The following TCERG1L variants were observed in gnomAD, a reference collection of about 807,000 sequenced individuals.
TCERG1L encodes transcription elongation regulator 1 like, also known as transcription elongation regulator 1-like protein.
A neutral mutation model predicts 56.3 loss-of-function variants in TCERG1L; 37 were observed. That is an observed-to-expected ratio of 0.66 (90% CI 0.51 to 0.87). The LOEUF (loss-of-function observed/expected upper bound fraction) is 0.87. TCERG1L is among the 40% of genes least tolerant of loss of function. TCERG1L has a pLI of 0.00. For synonymous variants in TCERG1L, 324 were observed against 326.3 expected, an observed-to-expected ratio of 0.99 and a Z score of 0.08; for missense variants, 799 against 774.2, an observed-to-expected ratio of 1.03 and a Z score of -0.38.
At chr10:131,271,361 G>C (rs193048382) in intron 3 of TCERG1L, among the ~76,000 whole-genome samples, 10 of 152,140 alleles carry the variant, frequency 6.6e-5, no homozygotes, top group Non-Finnish European at 1.3e-4. Flanking sequence ...CTTCCTCTCT[G>C]GGCAAACCCT....
intron 3 of TCERG1L, among the ~76,000 whole-genome samples, chr10:131,287,843 C>A (rs1274807707): frequency 1.3e-5 from 2 of 152,214 alleles, no homozygotes; most frequent in Admixed American, 6.5e-5. Flanking sequence ...GCTCAGTCAA[C>A]TTCTCAAGGT....
chr10:131,289,710 C>T (rs1302132402), intron 3 of TCERG1L, among the ~76,000 whole-genome samples: 1 of 40,776 alleles, frequency 2.5e-5, no homozygotes, highest in Non-Finnish European at 6.0e-5. Flanking sequence ...CTCCATCTAT[C>T]AATGTGAGTG....
chr10:131,288,472 A>G (rs10128158), intron 3 of TCERG1L, among the ~76,000 whole-genome samples: 15,423 of 152,050 alleles, frequency 0.1, 1,029 homozygotes, highest in African/African-American at 0.17. Flanking sequence ...GGACAGACGC[A>G]CTGTGGGATA....
intron 5 of TCERG1L, 50 bp downstream of exon 5, chr10:131,166,747 C>G: frequency 6.4e-7 from 1 of 1,574,600 alleles, no homozygotes; most frequent in South Asian, 1.1e-5. Context: ...CCTGGTCCTC[C>G]ACACCCAGGG....
chr10:131,291,911 T>C (rs1429606832), intron 3 of TCERG1L, among the ~76,000 whole-genome samples: 1 of 152,234 alleles, frequency 6.6e-6, no homozygotes, highest in Non-Finnish European at 1.5e-5. Context: ...TTCTATGCTA[T>C]GTGAATAGAG....
intron 4 of TCERG1L, among the ~76,000 whole-genome samples, chr10:131,189,342 C>T (rs1300492895): frequency 1.3e-5 from 2 of 152,142 alleles, no homozygotes; most frequent in African/African-American, 4.8e-5. Context: ...CACTGCCTCA[C>T]CTCCAAGTCC....
intron 3 of TCERG1L, among the ~76,000 whole-genome samples, chr10:131,278,595 G>A (rs977563364): frequency 3.9e-5 from 6 of 151,916 alleles, no homozygotes; most frequent in African/African-American, 9.7e-5. Context: ...CACCCGCCTC[G>A]GCCTCCCAAA....
chr10:131,164,615 C>T (rs1846012620), intron 5 of TCERG1L, among the ~76,000 whole-genome samples: 1 of 152,112 alleles, frequency 6.6e-6, no homozygotes, highest in Non-Finnish European at 1.5e-5. Flanking sequence ...AGATTATGTT[C>T]TCTCTCTGGG....
At chr10:131,138,949 T>A (rs1340573159) in intron 7 of TCERG1L, among the ~76,000 whole-genome samples, 2 of 152,250 alleles carry the variant, frequency 1.3e-5, no homozygotes, top group Admixed American at 1.3e-4. Context: ...CAAACACTGT[T>A]AGCCTTGATC....
chr10:131,262,190 A>G (rs1398715568), intron 3 of TCERG1L, among the ~76,000 whole-genome samples: 1 of 152,200 alleles, frequency 6.6e-6, no homozygotes, highest in Non-Finnish European at 1.5e-5. Flanking sequence ...TGCAGAGGCC[A>G]GCTCTGAGTC....
chr10:131,098,199 G>A lies in TCERG1L; in HGVS notation c.1604+107C>T, dbSNP rs148352814. Reference sequence around the variant, plus strand: ...CTTCAAAGCTCACACTTTCGTGTCTGTGGAAGGCTGGGTTACACGATTTAA... The same window carrying A: ...CTTCAAAGCTCACACTTTCGTGTCTATGGAAGGCTGGGTTACACGATTTAA... On this transcript the variant is annotated intron_variant, in intron 11 of 11. Coordinates refer to ENST00000368642, the MANE Select transcript of TCERG1L (RefSeq NM_174937.4). 1,537 of 1,209,940 alleles carry A rather than the reference G, an allele frequency of 1.3e-3. 13 individuals are homozygous for A. The African/African-American group carries it at 0.022, about 17-fold the overall frequency. 75.0% of individuals were successfully genotyped at this position (1,209,940 alleles called of 1,614,324 possible). A position where few individuals can be genotyped will look rare whatever the true frequency, so the allele number is the denominator to read the frequency against.
In TCERG1L at chr10:131,124,937, A is replaced by T. The variant is rs1222209537; in HGVS notation, c.1260-8003T>A. ...TTGCAACCACTTGGGATTTGCTTGT[A>T]AGAATTAAATGAAATAAGAAGAATC... On this transcript the variant is annotated intron_variant, in intron 8 of 11. Transcript: ENST00000368642. 2.0e-5 allele frequency among the ~76,000 whole-genome samples: 3 copies of T among 152,342 alleles called. No homozygotes were observed. In the East Asian group the frequency reaches 5.8e-4, roughly 29 times the overall value.
intron 4 of TCERG1L, among the ~76,000 whole-genome samples, chr10:131,238,745 T>C (rs1460115901): frequency 6.6e-6 from 1 of 152,170 alleles, no homozygotes; most frequent in Admixed American, 6.5e-5. Flanking sequence ...TCTTGCCAAA[T>C]GGTCCAAGCC....
chr10:131,212,134 C>T (rs188159481), intron 4 of TCERG1L, among the ~76,000 whole-genome samples: 32 of 152,336 alleles, frequency 2.1e-4, no homozygotes, highest in Middle Eastern at 3.4e-3. Flanking sequence ...GGAACCATCC[C>T]TGCCCAAAAG....
rs1314711817 is a variant in TCERG1L at position 131,134,412 on chromosome 10, C to T, written c.1226G>A (p.Arg409Lys). 1 of 1,595,760 alleles carries T rather than the reference C, an allele frequency of 6.3e-7. No homozygotes were observed. The highest frequency in any genetic ancestry group is 2.3e-5 in the East Asian group (1 of 44,410). ...CTTGGTTTTCACATCTTGGTCTTCC[C>T]TGTTGTCTTCAGAACTGGACCCATC... ...NSDGSSSEDN[R>K]EDQDVKTKRN... Residue 409 changes from arginine to lysine, a missense_variant, in exon 8 of 12, where the codon AGG (arginine) becomes AAG (lysine). Coordinates refer to ENST00000368642, the MANE Select transcript of TCERG1L (RefSeq NM_174937.4).
rs183261650 is a variant in TCERG1L, at chr10:131,098,944, G to C, written c.1486-520C>G. Among the ~76,000 whole-genome samples, 54 of 152,322 alleles carry C rather than the reference G, an allele frequency of 3.5e-4. 1 individual carries two copies. The highest frequency in any genetic ancestry group is 2.4e-3 in the Admixed American group (37 of 15,306). ...CAAAAATGACCTTAACTTGTGGAAA[G>C]AAAGTAAATTCTGCATCTCTGATCC... On this transcript the variant is annotated intron_variant, in intron 10 of 11. Coordinates refer to ENST00000368642, the MANE Select transcript of TCERG1L (RefSeq NM_174937.4).
At chr10:131,249,387 G>A (rs1449332382) in intron 4 of TCERG1L, among the ~76,000 whole-genome samples, 2 of 151,016 alleles carry the variant, frequency 1.3e-5, no homozygotes, top group Admixed American at 6.6e-5. Context: ...CCAGTATAGG[G>A]GCTTCCACAG....
At chr10:131,228,911 G>C (rs546280519) in intron 4 of TCERG1L, among the ~76,000 whole-genome samples, 16 of 128,210 alleles carry the variant, frequency 1.2e-4, no homozygotes, top group African/African-American at 4.3e-4. Context: ...CTCCCCTCCA[G>C]ACAGGCATTT....
At chr10:131,256,778 G>A (rs1343114266) in intron 4 of TCERG1L, among the ~76,000 whole-genome samples, 2 of 151,712 alleles carry the variant, frequency 1.3e-5, no homozygotes, top group Non-Finnish European at 2.9e-5. Context: ...TAGCTACAGG[G>A]GAGACTGAGG....
Sources: allele counts gnomAD v4.1 joint callset (sites outside exome capture counted in the v4.1 genomes callset), GRCh38; gene constraint gnomAD v4.1.1; transcripts MANE v1.5; gene names NCBI Gene and HGNC (gene_info 2026-07-23, HGNC 2026-07-21).